The following FBXL5 variants were observed in gnomAD, a reference collection of about 807,000 sequenced individuals.
FBXL5 encodes the protein F-box and leucine rich repeat protein 5, also known as F-box/LRR-repeat protein 5.
In FBXL5, 26 loss-of-function variants were observed where a neutral mutation model predicts 78.3. The observed-to-expected ratio is 0.33, with a 90% CI of 0.24 to 0.46. The LOEUF (loss-of-function observed/expected upper bound fraction) is 0.46. FBXL5 is among the 20% of genes least tolerant of loss of function. FBXL5 has a pLI of 1.00. For synonymous variants in FBXL5, 295 were observed against 282.5 expected (o/e 1.04, Z -0.45); for missense variants, 710 against 829.2 (o/e 0.86, Z 1.77).
rs766004826 is a variant in FBXL5 at position 15,625,745 on chromosome 4, T to C, written c.1357A>G (p.Lys453Glu). Residue 453 changes from lysine (K) to glutamate (E), a missense_variant, in exon 9 of 11, where the codon AAG becomes GAG. Physicochemically the swap from Lys to Glu is moderately conservative, Grantham distance 56 (BLOSUM62 1). Transcript: ENST00000341285. The part of the protein sequence containing the change: ...QYACLHDLTN[K>E]GIGEEIDNEH... ...TTATCTATTTCTTCTCCAATGCCCT[T>C]GTTAGTTAAATCGTGCAAACAGGCA... The C allele has an allele frequency of 6.2e-7, 1 of 1,614,184 alleles. No homozygotes were observed. Among genetic ancestry groups the C allele is most frequent in the South Asian group, 1.1e-5 (1 of 91,084 alleles).
At chr4:15,648,857 G>A (rs1198270876) in intron 1 of FBXL5, among the ~76,000 whole-genome samples, 2 of 152,152 alleles carry the variant, frequency 1.3e-5, no homozygotes, top group African/African-American at 4.8e-5. Flanking sequence ...TACATCCTCT[G>A]TGTCTTTACC....
chr4:15,622,506 C>G (rs528645862), intron 9 of FBXL5, among the ~76,000 whole-genome samples: 16 of 152,170 alleles, frequency 1.1e-4, no homozygotes, highest in Admixed American at 2.0e-4. Context: ...TTCAAAGAAG[C>G]CTTTCCTGGT....
chr4:15,636,204 A>G (rs1285093263), intron 5 of FBXL5, among the ~76,000 whole-genome samples: 1 of 152,172 alleles, frequency 6.6e-6, no homozygotes, highest in East Asian at 1.9e-4. Flanking sequence ...ATGAATCCCC[A>G]TGTATCTATC....
upstream of FBXL5, among the ~76,000 whole-genome samples, chr4:15,659,217 T>C (rs1346083746): frequency 2.0e-5 from 3 of 152,196 alleles, no homozygotes; most frequent in Non-Finnish European, 4.4e-5. Context: ...CCTGAACAAG[T>C]AGTAGGCATA....
At chr4:15,644,469 T>C in intron 2 of FBXL5, 24 bp downstream of exon 2, 6 of 1,575,550 alleles carry the variant, frequency 3.8e-6, no homozygotes, top group Non-Finnish European at 5.2e-6. Context: ...TTTTGACAGT[T>C]GAATATCCAT....
At position 15,605,701 on chromosome 4, in the gene FBXL5, G is replaced by A; in HGVS notation, c.*22C>T. ...AAAGCCTGCTCAGCTAAATGAAGTA[G>A]ACAAAGATCAGAAGTCAAGGGTCAT... On this transcript the variant is annotated 3_prime_UTR_variant, in exon 11 of 11. Coordinates refer to ENST00000341285, the MANE Select transcript of FBXL5 (RefSeq NM_012161.4). 6.2e-7 allele frequency: 1 copy of A among 1,608,170 alleles called. No individual in the cohort carries two copies. The highest frequency in any genetic ancestry group is 8.5e-7 in the Non-Finnish European group (1 of 1,175,212).
At chr4:15,655,406 G>A (rs1716783765), upstream of FBXL5, 10 of 1,016,876 alleles carry the variant, frequency 9.8e-6, no homozygotes, top group Non-Finnish European at 1.2e-5. Flanking sequence ...CGGCGCGCGC[G>A]CCCGGTCGGC....
chr4:15,616,473 G>C (rs1026258980), intron 9 of FBXL5, among the ~76,000 whole-genome samples: 2 of 152,228 alleles, frequency 1.3e-5, no homozygotes, highest in South Asian at 4.1e-4. Context: ...CACTGAGAAA[G>C]CAAGCAGGGC....
Position 15,627,957 on chromosome 4 carries a change from G to A in FBXL5, c.969C>T (p.Asn323=), listed in dbSNP as rs1269741656. 8 of 1,613,692 alleles carry A rather than the reference G, an allele frequency of 5.0e-6. No individual in the cohort carries two copies. Among genetic ancestry groups the A allele is most frequent in the Non-Finnish European group, 5.9e-6 (7 of 1,179,732 alleles). ...EKRLLHGLIH[N]VLPYVGTSVK... is the part of the protein sequence containing the mutation. ...CAGAAGTACCAACATATGGTAGAAC[G>A]TTATGAATTAAGCCATGGAGTAAAC... Residue 323 remains asparagine (N), a synonymous_variant, in exon 7 of 11, where the codon AAC becomes AAT. Coordinates refer to ENST00000341285, the MANE Select transcript of FBXL5 (RefSeq NM_012161.4).
intron 5 of FBXL5, among the ~76,000 whole-genome samples, chr4:15,635,858 TTA>T (rs1312943394): frequency 1.3e-5 from 2 of 151,750 alleles, no homozygotes; most frequent in Non-Finnish European, 2.9e-5. Flanking sequence ...CATAACTGCA[TTA>T]TATGTTGATG....
At chr4:15,680,851 T>TA (rs571576070) in intron 1 of FBXL5, among the ~76,000 whole-genome samples, 31 of 149,476 alleles carry the variant, frequency 2.1e-4, no homozygotes, top group African/African-American at 5.9e-4. Flanking sequence ...AGGTAGAATT[T>TA]AAAAAAAAAC....
At chr4:15,669,011 A>G (rs913374558) in intron 1 of FBXL5, among the ~76,000 whole-genome samples, 3 of 152,258 alleles carry the variant, frequency 2.0e-5, no homozygotes, top group African/African-American at 7.2e-5. Context: ...AATAAGCTGC[A>G]TAACACTTGT....
intron 1 of FBXL5, among the ~76,000 whole-genome samples, chr4:15,649,721 C>T (rs1715746186): frequency 1.3e-5 from 2 of 151,734 alleles, no homozygotes; most frequent in Non-Finnish European, 2.9e-5. Context: ...AACCTGGACA[C>T]TAATGGTTCT....
intron 9 of FBXL5, among the ~76,000 whole-genome samples, chr4:15,616,343 C>T (rs1711872360): frequency 6.6e-6 from 1 of 152,182 alleles, no homozygotes; most frequent in Non-Finnish European, 1.5e-5. Flanking sequence ...CTGGCAGTGA[C>T]AGGCCTCACC....
In FBXL5 at chr4:15,622,870, C is replaced by T. The variant is rs144157479; in HGVS notation, c.1850+2382G>A. 3.5e-4 allele frequency among the ~76,000 whole-genome samples: 54 copies of T among 152,262 alleles called. No individual in the cohort carries two copies. In the East Asian group the frequency reaches 0.01, roughly 28 times the overall value. On this transcript the variant is annotated intron_variant, in intron 9 of 10. Coordinates refer to ENST00000341285, the MANE Select transcript of FBXL5 (RefSeq NM_012161.4). ...AAATGAATTTTTCCTTCAATTCAAA[C>T]GCAAACTTTCTTTTCAAGAATACCT...
At chr4:15,612,780 A>C (rs1722355565) in intron 9 of FBXL5, among the ~76,000 whole-genome samples, 2 of 152,122 alleles carry the variant, frequency 1.3e-5, no homozygotes, top group Non-Finnish European at 2.9e-5. Flanking sequence ...AAAACCTAAT[A>C]AGCAGTTGGG....
In FBXL5 at chr4:15,638,596, T is replaced by C; in HGVS notation, c.495A>G (p.Ala165=). The C allele has an allele frequency of 6.2e-7, 1 of 1,613,558 alleles. No individual in the cohort carries two copies. Among genetic ancestry groups the C allele is most frequent in the East Asian group, 2.2e-5 (1 of 44,858 alleles). The change falls in exon 4 of 11, where the codon GCA becomes GCG. Residue 165 remains alanine, a synonymous_variant. Coordinates refer to ENST00000341285, the MANE Select transcript of FBXL5 (RefSeq NM_012161.4). ...IAQHCSQKDT[A]ELLRGLSLWN... ...ATAGGCTAAGACCTCTAAGGAGTTC[T>C]GCAGTATCCTTCTGAGAGCAGTGTT... is the stretch of plus-strand genomic sequence containing the variant.
chr4:15,618,798 G>A (rs1712168868), intron 9 of FBXL5, among the ~76,000 whole-genome samples: 1 of 152,188 alleles, frequency 6.6e-6, no homozygotes, highest in South Asian at 2.1e-4. Context: ...AGCCAAGATT[G>A]TGCCATTGCA....
upstream of FBXL5, chr4:15,655,393 C>CGTCGG (rs1477992079): frequency 6.7e-6 from 7 of 1,038,092 alleles, no homozygotes; most frequent in Non-Finnish European, 8.2e-6. Context: ...GCGCCCGCCC[C>CGTCGG]GTCGGCGCGC....
Sources: gnomAD v4.1 joint callset for allele counts (sites outside exome capture counted in the v4.1 genomes callset) on GRCh38, gnomAD v4.1.1 for gene constraint, MANE v1.5 for transcripts, NCBI Gene and HGNC (gene_info 2026-07-23, HGNC 2026-07-21) for gene names.